Variants in KIAA1217 observed in about 807,000 individuals in gnomAD.
The protein encoded by KIAA1217 is sickle tail protein homolog.
A neutral mutation model predicts 163.9 loss-of-function variants in KIAA1217; 88 were observed. That is an observed-to-expected ratio of 0.54 (90% CI 0.45 to 0.64). KIAA1217 has a LOEUF of 0.64. KIAA1217 is among the 30% of genes least tolerant of loss of function. The probability of loss-of-function intolerance (pLI) is 0.00; values close to 1 mark genes in which losing one functional copy is unlikely to be tolerated. For synonymous variants in KIAA1217, 903 were observed against 923.1 expected, an observed-to-expected ratio of 0.98 and a Z score of 0.39; for missense variants, 2,372 against 2,475.0, an observed-to-expected ratio of 0.96 and a Z score of 0.88.
chr10:23,749,675 GATT>G (rs1839629574), intron 1 of KIAA1217, among the ~76,000 whole-genome samples: 1 of 152,200 alleles, frequency 6.6e-6, no homozygotes, highest in African/African-American at 2.4e-5. Context: ...GAAGTGCTGG[GATT>G]ATAGGCGTGA....
chr10:24,087,195 T>C (rs953677199), intron 2 of KIAA1217, among the ~76,000 whole-genome samples: 1 of 152,218 alleles, frequency 6.6e-6, no homozygotes, highest in African/African-American at 2.4e-5. Flanking sequence ...GTTTTATTAC[T>C]TAGAAAGATT....
intron 1 of KIAA1217, among the ~76,000 whole-genome samples, chr10:23,756,947 C>A (rs1833950294): frequency 6.6e-6 from 1 of 152,108 alleles, no homozygotes; most frequent in Non-Finnish European, 1.5e-5. Flanking sequence ...ATGCTAAGTG[C>A]CTTATATAAG....
intron 1 of KIAA1217, among the ~76,000 whole-genome samples, chr10:23,967,223 AAG>A (rs1225879295): frequency 1.3e-5 from 2 of 152,096 alleles, no homozygotes; most frequent in Non-Finnish European, 2.9e-5. Flanking sequence ...AAATTAAATG[AAG>A]GAAAATAAGG....
chr10:23,828,729 T>A (rs1838025977), intron 1 of KIAA1217, among the ~76,000 whole-genome samples: 1 of 152,218 alleles, frequency 6.6e-6, no homozygotes, highest in African/African-American at 2.4e-5. Flanking sequence ...TATGATTACA[T>A]CTGTTTCTAC....
intron 2 of KIAA1217, among the ~76,000 whole-genome samples, chr10:24,260,224 T>C (rs1232969697): frequency 6.6e-6 from 1 of 152,080 alleles, no homozygotes; most frequent in Non-Finnish European, 1.5e-5. Flanking sequence ...TCAGAGCTCT[T>C]TGAAGGATGA....
chr10:24,212,662 G>C (rs565773801), intron 1 of KIAA1217, among the ~76,000 whole-genome samples: 5 of 152,194 alleles, frequency 3.3e-5, no homozygotes, highest in Non-Finnish European at 7.3e-5. Flanking sequence ...CGGTGAGCAC[G>C]AGTGCCGCAA....
chr10:24,331,503 T>G (rs550465699), intron 2 of KIAA1217, among the ~76,000 whole-genome samples: 1 of 152,352 alleles, frequency 6.6e-6, no homozygotes, highest in South Asian at 2.1e-4. Context: ...GTAGTAATTA[T>G]GACTTAATGA....
intron 1 of KIAA1217, among the ~76,000 whole-genome samples, chr10:23,768,747 GC>G: frequency 6.6e-6 from 1 of 152,296 alleles, no homozygotes; most frequent in East Asian, 1.9e-4. Flanking sequence ...ATTTAGCACA[GC>G]CCAGAGATGG....
intron 1 of KIAA1217, among the ~76,000 whole-genome samples, chr10:23,709,582 C>A (rs912424052): frequency 2.6e-5 from 4 of 151,906 alleles, no homozygotes; most frequent in African/African-American, 9.7e-5. Context: ...ATCCGAATGC[C>A]CCTCCTTCTT....
chr10:24,070,517 A>G (rs1440740193), intron 2 of KIAA1217, among the ~76,000 whole-genome samples: 1 of 152,216 alleles, frequency 6.6e-6, no homozygotes, highest in African/African-American at 2.4e-5. Flanking sequence ...ATCAATTTTA[A>G]TCTTTGGATA....
At chr10:24,341,282 T>C (rs1269618549) in intron 2 of KIAA1217, among the ~76,000 whole-genome samples, 1 of 152,134 alleles carries the variant, frequency 6.6e-6, no homozygotes, top group Non-Finnish European at 1.5e-5. Flanking sequence ...CCATGTCTTC[T>C]ATGTACAGGC....
At chr10:24,488,930 G>A (rs552678058) in intron 6 of KIAA1217, among the ~76,000 whole-genome samples, 1 of 152,342 alleles carries the variant, frequency 6.6e-6, no homozygotes, top group Non-Finnish European at 1.5e-5. Context: ...AGGGGATGCA[G>A]TGCCTCTGCT....
chr10:23,796,622 C>G (rs939084852), intron 1 of KIAA1217, among the ~76,000 whole-genome samples: 2 of 152,084 alleles, frequency 1.3e-5, no homozygotes, highest in Non-Finnish European at 2.9e-5. Context: ...CTCAGCCTCC[C>G]AAAGTGCTGG....
intron 8 of KIAA1217, among the ~76,000 whole-genome samples, chr10:24,499,534 A>G (rs1348969783): frequency 6.6e-6 from 1 of 152,158 alleles, no homozygotes; most frequent in Admixed American, 6.5e-5. Flanking sequence ...GGAGTCCGAG[A>G]CTAGCCTGGA....
intron 2 of KIAA1217, among the ~76,000 whole-genome samples, chr10:24,093,546 C>T (rs903429558): frequency 6.6e-6 from 1 of 151,722 alleles, no homozygotes; most frequent in African/African-American, 2.4e-5. Context: ...TGCTGCCATC[C>T]TCTCACCTCG....
At chr10:24,092,988 G>A (rs1019009916) in intron 2 of KIAA1217, among the ~76,000 whole-genome samples, 1 of 150,030 alleles carries the variant, frequency 6.7e-6, no homozygotes, top group African/African-American at 2.5e-5. Flanking sequence ...ACCCCAAAAT[G>A]AAATATGAAC....
At chr10:24,483,618 A>C (rs953979840) in intron 6 of KIAA1217, among the ~76,000 whole-genome samples, 2 of 152,136 alleles carry the variant, frequency 1.3e-5, no homozygotes, top group African/African-American at 4.8e-5. Flanking sequence ...AAAGCAGGCG[A>C]GAGTGGGGAG....
At chr10:24,018,110 A>G (rs1264426898) in intron 2 of KIAA1217, among the ~76,000 whole-genome samples, 1 of 152,050 alleles carries the variant, frequency 6.6e-6, no homozygotes, top group Non-Finnish European at 1.5e-5. Flanking sequence ...TTTCTGGAAG[A>G]ATGCACCTTA....
At position 24,248,918 on chromosome 10, in the gene KIAA1217, C is replaced by T. The variant is rs550543010; in HGVS notation, c.354+29009C>T. On this transcript the variant is annotated intron_variant, in intron 2 of 20. Coordinates refer to ENST00000376454, the MANE Select transcript of KIAA1217 (RefSeq NM_019590.5). ...CAAGTCAAGAATAGAAGGCACACTG[C>T]GAGAGGGATGTCTTTTGAAAGAAAA... 7.9e-5 allele frequency among the ~76,000 whole-genome samples: 12 copies of T among 152,198 alleles called. No individual in the cohort carries two copies. The South Asian group carries it at 8.3e-4, about 11-fold the overall frequency.
Sources: allele counts gnomAD v4.1 joint callset (sites outside exome capture counted in the v4.1 genomes callset), GRCh38; gene constraint gnomAD v4.1.1; transcripts MANE v1.5; gene names NCBI Gene and HGNC (gene_info 2026-07-23, HGNC 2026-07-21).